HIVEP3: variants seen among roughly 807,000 people sequenced by gnomAD.
HIVEP3 encodes HIVEP zinc finger 3, also known as transcription factor HIVEP3.
A neutral mutation model predicts 152.8 loss-of-function variants in HIVEP3; 49 were observed. The observed-to-expected ratio is 0.32, with a 90% CI of 0.26 to 0.41. The LOEUF (loss-of-function observed/expected upper bound fraction) is 0.41, where lower values mean the gene tolerates loss of function less well. HIVEP3 is among the 10% of genes least tolerant of loss of function. The pLI, the probability that HIVEP3 is intolerant of heterozygous loss-of-function variation, is 1.00. For synonymous variants in HIVEP3, 1,269 were observed against 1,289.0 expected (o/e 0.98, Z 0.33); for missense variants, 2,790 against 3,103.3 (o/e 0.90, Z 2.40).
rs902467272 is a variant in HIVEP3, at chr1:41,506,837, C to T, written c.*3614G>A. On this transcript the variant is annotated 3_prime_UTR_variant, in exon 9 of 9. Transcript: ENST00000372583. Reference sequence around the variant, plus strand: ...TACGTACACCTTTTAGAAAAAAAGGCAAATATTTATCTTACAGAGAGCATT... The same window carrying T: ...TACGTACACCTTTTAGAAAAAAAGGTAAATATTTATCTTACAGAGAGCATT... 1 of 152,022 alleles carries T rather than the reference C, an allele frequency of 6.6e-6. No individual in the cohort carries two copies. Among genetic ancestry groups the T allele is most frequent in the Non-Finnish European group, 1.5e-5 (1 of 68,008 alleles). The allele number at this position is 152,022 out of a possible 1,614,324, so 9.4% of individuals were successfully genotyped here. A position where few individuals can be genotyped will look rare whatever the true frequency, so the allele number is the denominator to read the frequency against.
intron 2 of HIVEP3, among the ~76,000 whole-genome samples, chr1:41,650,824 C>T (rs1256373939): frequency 6.6e-6 from 1 of 152,262 alleles, no homozygotes; most frequent in East Asian, 1.9e-4. Context: ...TCTGAATATC[C>T]TCCCACGTTA....
At chr1:41,523,765 T>TG (rs1402872855) in intron 6 of HIVEP3, among the ~76,000 whole-genome samples, 1 of 152,136 alleles carries the variant, frequency 6.6e-6, no homozygotes, top group East Asian at 1.9e-4. Flanking sequence ...TGAGAAACCG[T>TG]GGGGCTCCCA....
intron 1 of HIVEP3, among the ~76,000 whole-genome samples, chr1:41,724,624 C>T (rs188617516): frequency 2.5e-4 from 38 of 152,258 alleles, no homozygotes; most frequent in Non-Finnish European, 4.7e-4. Context: ...AGCTGATGCA[C>T]GGGTAATGGA....
At chr1:41,881,488 C>G (rs1352273000) in intron 1 of HIVEP3, among the ~76,000 whole-genome samples, 2 of 152,158 alleles carry the variant, frequency 1.3e-5, no homozygotes, top group Non-Finnish European at 2.9e-5. Flanking sequence ...AAACGATATG[C>G]TGATTAGTCA....
chr1:41,643,376 G>A (rs1645406992), intron 2 of HIVEP3, among the ~76,000 whole-genome samples: 1 of 152,242 alleles, frequency 6.6e-6, no homozygotes, highest in Admixed American at 6.5e-5. Flanking sequence ...CGCAGACAGG[G>A]AGTGCCTTCA....
chr1:41,604,978 A>G (rs2149127381), intron 3 of HIVEP3, among the ~76,000 whole-genome samples: 1 of 151,634 alleles, frequency 6.6e-6, no homozygotes, highest in African/African-American at 2.4e-5. Flanking sequence ...GGTGGTGCAC[A>G]CCTGTGGTCC....
upstream of HIVEP3, among the ~76,000 whole-genome samples, chr1:41,920,578 T>TG (rs553148041): frequency 3.7e-3 from 127 of 34,680 alleles, 1 homozygote; most frequent in African/African-American, 0.022. Flanking sequence ...AACAAGATGG[T>TG]TTTTTTTTTT....
intron 1 of HIVEP3, among the ~76,000 whole-genome samples, chr1:41,746,765 A>T (rs1407909991): frequency 2.6e-5 from 4 of 151,988 alleles, no homozygotes; most frequent in Non-Finnish European, 2.9e-5. Context: ...CTCCAGCCTG[A>T]CCTCTTGGCC....
Position 41,857,326 on chromosome 1 carries a change from G to C in HIVEP3, c.-801+61087C>G, listed in dbSNP as rs568680708. Among the ~76,000 whole-genome samples the C allele has an allele frequency of 7.2e-5, 11 of 152,236 alleles. 1 individual carries two copies. In the South Asian group the frequency reaches 2.3e-3, roughly 32 times the overall value. Reference sequence around the variant, plus strand: ...GAGTTATTTGTACTACAGAAATCCAGCTGTGGCATCATTTGAGGTCAAGCC... The same window carrying C: ...GAGTTATTTGTACTACAGAAATCCACCTGTGGCATCATTTGAGGTCAAGCC... On this transcript the variant is annotated intron_variant, in intron 1 of 8. Coordinates refer to ENST00000372583, the MANE Select transcript of HIVEP3 (RefSeq NM_024503.5).
Position 41,722,958 on chromosome 1 carries a change from T to C in HIVEP3, c.-800-21963A>G, listed in dbSNP as rs543620897. On this transcript the variant is annotated intron_variant, in intron 1 of 8. Coordinates refer to ENST00000372583, the MANE Select transcript of HIVEP3 (RefSeq NM_024503.5). ...GGAAGCAAGAGGTTAAGGCCAGAGC[T>C]TTGAGGGAAAGAGGTAAGACCAGGT... 1.8e-4 allele frequency among the ~76,000 whole-genome samples: 28 copies of C among 152,188 alleles called. No homozygotes were observed. The South Asian group carries it at 4.4e-3, about 24-fold the overall frequency.
chr1:41,537,766 G>A, intron 5 of HIVEP3, among the ~76,000 whole-genome samples: 1 of 152,208 alleles, frequency 6.6e-6, no homozygotes, highest in East Asian at 1.9e-4. Flanking sequence ...TTGGGGTTCT[G>A]CAGAAACTAC....
At position 41,693,571 on chromosome 1, in the gene HIVEP3, A is replaced by G. The variant is rs1027652333; in HGVS notation, c.-721+7345T>C. Among the ~76,000 whole-genome samples the G allele has an allele frequency of 2.6e-5, 4 of 152,166 alleles. No individual in the cohort carries two copies. In the East Asian group the frequency reaches 5.8e-4, roughly 22 times the overall value. ...TATTAGTGCTGCTAACCTTTTACCC[A>G]TCATGCCTATGTTGAAATACTTTTC... On this transcript the variant is annotated intron_variant, in intron 2 of 8. Coordinates refer to ENST00000372583, the MANE Select transcript of HIVEP3 (RefSeq NM_024503.5).
chr1:41,847,450 T>TTA (rs1643474765), intron 1 of HIVEP3: 1 of 152,260 alleles, frequency 6.6e-6, no homozygotes, highest in African/African-American at 2.4e-5. Flanking sequence ...TGTGTACATA[T>TTA]TATATATGTA....
intron 1 of HIVEP3, among the ~76,000 whole-genome samples, chr1:41,799,191 T>C (rs963523385): frequency 6.6e-6 from 1 of 152,238 alleles, no homozygotes; most frequent in Non-Finnish European, 1.5e-5. Flanking sequence ...CACTAGGTTC[T>C]AGGAACTCAG....
intron 1 of HIVEP3, among the ~76,000 whole-genome samples, chr1:41,902,421 G>T (rs773412110): frequency 2.6e-5 from 4 of 152,096 alleles, no homozygotes; most frequent in Non-Finnish European, 5.9e-5. Flanking sequence ...CCCCAGGGAG[G>T]GTCCTGGAAT....
In HIVEP3 at chr1:41,533,841, C is replaced by T. The variant is rs935050583; in HGVS notation, c.5208-8931G>A. On this transcript the variant is annotated intron_variant, in intron 5 of 8. Transcript: ENST00000372583. This position sits in a 1 kb window ranked among gnomAD's most constrained non-coding sequence, Gnocchi z 4.3. ...ATGCCTTTGCTATACATCTAACTGCCTTAGTATCACCTCTGGTGGTTTTCA... is the reference window on the plus strand; with the variant it reads ...ATGCCTTTGCTATACATCTAACTGCTTTAGTATCACCTCTGGTGGTTTTCA... 1.3e-5 allele frequency among the ~76,000 whole-genome samples: 2 copies of T among 152,020 alleles called. No individual in the cohort carries two copies. The highest frequency in any genetic ancestry group is 2.4e-5 in the African/African-American group (1 of 41,384).
intron 5 of HIVEP3, among the ~76,000 whole-genome samples, chr1:41,549,481 C>G (rs1376865614): frequency 2.0e-5 from 3 of 151,846 alleles, no homozygotes; most frequent in Non-Finnish European, 4.4e-5. Flanking sequence ...CTAGTTTACA[C>G]CCCCACCAAC....
In HIVEP3 at chr1:41,510,670, G is replaced by A. The variant is rs1190322370; in HGVS notation, c.7002C>T (p.Ser2334=). 6 of 1,526,048 alleles carry A rather than the reference G, an allele frequency of 3.9e-6. No individual in the cohort carries two copies. Among genetic ancestry groups the A allele is most frequent in the African/African-American group, 1.4e-5 (1 of 72,718 alleles). 94.5% of individuals were successfully genotyped at this position (1,526,048 alleles called of 1,614,324 possible). ...AAQSWSPRLE[S]PRAPTNPEPS... ...GCTCGGGGTTGGTCGGTGCACGCGG[G>A]GACTCCAAGCGGGGGCTCCAGGACT... Residue 2334 remains serine (S), a synonymous_variant, in exon 9 of 9, where the codon TCC becomes TCT. Coordinates refer to ENST00000372583, the MANE Select transcript of HIVEP3 (RefSeq NM_024503.5).
At chr1:41,516,781 C>A (rs151009065) in intron 7 of HIVEP3, among the ~76,000 whole-genome samples, 1 of 152,246 alleles carries the variant, frequency 6.6e-6, no homozygotes, top group Non-Finnish European at 1.5e-5. Context: ...TGCAGGAGAG[C>A]TCCTCCCTGA....
Sources: allele counts gnomAD v4.1 joint callset (sites outside exome capture counted in the v4.1 genomes callset), GRCh38; gene constraint gnomAD v4.1.1; non-coding constraint Gnocchi (gnomAD v3.1); transcripts MANE v1.5; gene names NCBI Gene and HGNC (gene_info 2026-07-23, HGNC 2026-07-21).